The following KCNN1 variants were observed in gnomAD, a reference collection of about 807,000 sequenced individuals.
KCNN1 encodes potassium calcium-activated channel subfamily N member 1.
In KCNN1, 20 loss-of-function variants were observed where a neutral mutation model predicts 44.7. The ratio of observed to expected loss-of-function variants is 0.45; its 90% CI spans 0.32 to 0.65. The LOEUF (loss-of-function observed/expected upper bound fraction) is 0.65, where lower values mean the gene tolerates loss of function less well. KCNN1 is among the 30% of genes least tolerant of loss of function. KCNN1 has a pLI of 0.05. For missense variants in KCNN1, 632 were observed against 785.3 expected (o/e 0.80, Z 2.33); for synonymous variants, 324 against 341.7 (o/e 0.95, Z 0.57).
chr19:17,966,518 G>GAAATGGGTGTTGGA (rs762891606), upstream of KCNN1, among the ~76,000 whole-genome samples: 1 of 152,182 alleles, frequency 6.6e-6, no homozygotes, highest in Non-Finnish European at 1.5e-5. Context: ...TGTCATCCTG[G>GAAATGGGTGTTGGA]AAATGGGTGT....
chr19:17,995,331 G>A (rs2032946544), intron 9 of KCNN1, among the ~76,000 whole-genome samples: 1 of 151,828 alleles, frequency 6.6e-6, no homozygotes, highest in African/African-American at 2.4e-5. Context: ...ACACCACCAG[G>A]TCCTGCTAAT....
At chr19:17,991,078 GC>G in intron 7 of KCNN1, among the ~76,000 whole-genome samples, 1 of 151,978 alleles carries the variant, frequency 6.6e-6, no homozygotes, top group African/African-American at 2.4e-5. Context: ...ACTTTGGGAG[GC>G]CAAGGAGGGA....
At chr19:17,953,474 G>A (rs920348501) in intron 1 of KCNN1, among the ~76,000 whole-genome samples, 11 of 152,142 alleles carry the variant, frequency 7.2e-5, no homozygotes, top group Admixed American at 2.0e-4. Flanking sequence ...CCTGTTCTGG[G>A]GTCTGGCATT....
Position 17,985,246 on chromosome 19 carries a change from G to C in KCNN1, c.918-66G>C, listed in dbSNP as rs149549749. 1,340 of 1,448,596 alleles carry C rather than the reference G, an allele frequency of 9.3e-4. 9 individuals are homozygous for C. In the African/African-American group the frequency reaches 0.013, roughly 14 times the overall value. The allele number at this position is 1,448,596 out of a possible 1,614,324, so 89.7% of individuals were successfully genotyped here. ...CTCCAGCCCTGGCGCTGCCCCAGGG[G>C]GTGTGATGGAGGCAAAGGGGATGGT... On this transcript the variant is annotated intron_variant, in intron 4 of 9. Transcript: ENST00000684775.
chr19:17,967,878 C>T (rs2031871096), intron 1 of KCNN1, among the ~76,000 whole-genome samples: 1 of 151,724 alleles, frequency 6.6e-6, no homozygotes, highest in South Asian at 2.1e-4. Context: ...GGAGGGCCCC[C>T]GAGGGAGGCA....
At chr19:17,985,197 A>C in intron 4 of KCNN1, 115 bp from the exon 5 acceptor site, 1 of 1,018,542 alleles carries the variant, frequency 9.8e-7, no homozygotes, top group Non-Finnish European at 1.4e-6. Flanking sequence ...CATAGCCCCA[A>C]CGCAGCGAGG....
In KCNN1 at chr19:17,998,645, G is replaced by C. The variant is rs1000174189; in HGVS notation, c.*239G>C. 2.2e-5 allele frequency: 10 copies of C among 461,816 alleles called. No homozygotes were observed. In the East Asian group the frequency reaches 2.4e-4, roughly 11 times the overall value. The allele number at this position is 461,816 out of a possible 1,614,324, so 28.6% of individuals were successfully genotyped here. On this transcript the variant is annotated 3_prime_UTR_variant, in exon 10 of 10. Transcript: ENST00000684775. This position sits in a 1 kb window ranked among gnomAD's most constrained non-coding sequence, Gnocchi z 5.4. ...GTCCCCCGACTCTCCCCAGGCCCCC[G>C]GTGGGCATGGAGCAGCCCGGGGAGG...
chr19:17,981,422 C>CA (rs2032400658), intron 3 of KCNN1, among the ~76,000 whole-genome samples: 2 of 151,108 alleles, frequency 1.3e-5, no homozygotes, highest in Non-Finnish European at 2.9e-5. Context: ...TGTGGTGGGG[C>CA]AAGCCTGTAA....
intron 1 of KCNN1, among the ~76,000 whole-genome samples, chr19:17,971,549 G>A (rs1047173867): frequency 3.3e-5 from 5 of 151,896 alleles, no homozygotes; most frequent in Admixed American, 6.6e-5. Flanking sequence ...TGCAACCTCC[G>A]CCTCCCGGGT....
intron 3 of KCNN1, among the ~76,000 whole-genome samples, chr19:17,979,672 G>T (rs2032331813): frequency 6.6e-6 from 1 of 152,028 alleles, no homozygotes; most frequent in African/African-American, 2.4e-5. Flanking sequence ...CCCTGGATAT[G>T]GCCAGGGTAC....
upstream of KCNN1, among the ~76,000 whole-genome samples, chr19:17,966,015 GCCTGCCTGCCTTCCTT>G (rs1166048832): frequency 4.3e-3 from 537 of 124,374 alleles, no homozygotes; most frequent in Middle Eastern, 0.016. Context: ...CTGCCTGCCT[GCCTGCCTGCCTTCCTT>G]CCTTCCTTCC....
intron 7 of KCNN1, among the ~76,000 whole-genome samples, chr19:17,990,799 CAAA>C (rs1252211442): frequency 5.5e-5 from 3 of 54,856 alleles, no homozygotes; most frequent in Non-Finnish European, 7.6e-5. Context: ...GACTCTGTCT[CAAA>C]AAAAAAAAAA....
intron 3 of KCNN1, among the ~76,000 whole-genome samples, chr19:17,976,722 CTT>C (rs71336654): frequency 7.2e-6 from 1 of 138,660 alleles, no homozygotes; most frequent in African/African-American, 2.7e-5. Flanking sequence ...CCAGCATAAC[CTT>C]TTTTTTTTTG....
At chr19:17,964,810 G>A (rs768967454), upstream of KCNN1, among the ~76,000 whole-genome samples, 1 of 152,176 alleles carries the variant, frequency 6.6e-6, no homozygotes, top group Non-Finnish European at 1.5e-5. The surrounding 1 kb of genome is among the most constrained non-coding windows in gnomAD (Gnocchi z 4.3). Context: ...GGCAGTCCCC[G>A]ATCCCTCAGG....
intron 2 of KCNN1, among the ~76,000 whole-genome samples, chr19:17,958,822 C>G (rs1330575594): frequency 6.7e-6 from 1 of 150,136 alleles, no homozygotes; most frequent in East Asian, 2.0e-4. Context: ...CTCAGCCTCC[C>G]GAGTAGCTGG....
Position 17,989,818 on chromosome 19 carries a change from CG to C in KCNN1, c.1274del (p.Arg425LeufsTer16). On this transcript the variant is annotated frameshift_variant, in exon 7 of 10. Transcript: ENST00000684775. LOFTEE classifies it high-confidence loss of function. ...PDQARVRKHQ[R>X]KFLQAIHQAQ... ...CCAAGCCCGGGTTCGGAAACACCAGCGTAAGTTCCTCCAAGCCATCCATCAG... is the reference window on the plus strand; with the variant it reads ...CCAAGCCCGGGTTCGGAAACACCAGCTAAGTTCCTCCAAGCCATCCATCAG... 6.2e-7 allele frequency: 1 copy of C among 1,613,744 alleles called. No homozygotes were observed. Among genetic ancestry groups the C allele is most frequent in the Non-Finnish European group, 8.5e-7 (1 of 1,179,826 alleles).
rs563280358 is a variant in KCNN1 at position 17,977,285 on chromosome 19, C to G, written c.498+2098C>G. Among the ~76,000 whole-genome samples the G allele has an allele frequency of 3.3e-5, 5 of 152,048 alleles. No individual in the cohort carries two copies. The South Asian group carries it at 1.0e-3, about 32-fold the overall frequency. On this transcript the variant is annotated intron_variant, in intron 3 of 9. Transcript: ENST00000684775. ...GAGAGTGTCTGTGTCCAAATTTCCC[C>G]TTTTTAAAATAAGAACACCAGTCAT...
chr19:17,963,827 G>A (rs918866082), upstream of KCNN1, among the ~76,000 whole-genome samples: 1 of 151,938 alleles, frequency 6.6e-6, no homozygotes, highest in Admixed American at 6.6e-5. Flanking sequence ...CTGGGCTCGA[G>A]CGATCTTCCT....
At chr19:17,996,567 C>T (rs1156851057) in intron 9 of KCNN1, among the ~76,000 whole-genome samples, 1 of 152,174 alleles carries the variant, frequency 6.6e-6, no homozygotes, top group African/African-American at 2.4e-5. Flanking sequence ...GATCATGCCT[C>T]TGCACTCCAG....
Sources: allele counts gnomAD v4.1 joint callset (sites outside exome capture counted in the v4.1 genomes callset), GRCh38; gene constraint gnomAD v4.1.1; non-coding constraint Gnocchi (gnomAD v3.1); transcripts MANE v1.5; gene names NCBI Gene and HGNC (gene_info 2026-07-23, HGNC 2026-07-21).